PARP1: variants seen among roughly 807,000 people sequenced by gnomAD.
PARP1 encodes the protein poly(ADP-ribose) polymerase 1.
In PARP1, 44 loss-of-function variants were observed where a neutral mutation model predicts 118.7. That is an observed-to-expected ratio of 0.37 (90% CI 0.29 to 0.48). PARP1 has a LOEUF of 0.48. Among genes scored for constraint, PARP1 ranks in the 20% least tolerant of loss-of-function variants. The pLI is 0.99. For synonymous variants in PARP1, 492 were observed against 483.2 expected, an observed-to-expected ratio of 1.02 and a Z score of -0.24; for missense variants, 1,100 against 1,272.4, an observed-to-expected ratio of 0.86 and a Z score of 2.06.
Position 226,388,678 on chromosome 1 carries a change from C to A in PARP1, c.695G>T (p.Ser232Ile), listed in dbSNP as rs759646966. 1.2e-6 allele frequency: 2 copies of A among 1,613,296 alleles called. No homozygotes were observed. Among genetic ancestry groups the A allele is most frequent in the Non-Finnish European group, 1.7e-6 (2 of 1,179,202 alleles). ...CACCTTTAGGGCTTTTTCAAGCTTA[C>A]TATCCTTGTCTTTTTCTTTTTTAGA... ...KKSKKEKDKDSKLEKALKAQN... is the reference protein window; with the variant it reads ...KKSKKEKDKDIKLEKALKAQN... Residue 232 changes from serine (S) to isoleucine (I), a missense_variant, in exon 5 of 23, where the codon AGT (serine) becomes ATT (isoleucine). Physicochemically the swap from Ser to Ile is moderately radical, Grantham distance 142. This residue lies in a region of PARP1 where 948 missense variants were observed against 1,031.8 expected (regional missense o/e 0.92). Coordinates refer to ENST00000366794, the MANE Select transcript of PARP1 (RefSeq NM_001618.4).
intron 5 of PARP1, 147 bp from the exon 6 acceptor site, chr1:226,386,589 TTTG>T: frequency 1.3e-6 from 1 of 743,802 alleles, no homozygotes; most frequent in Admixed American, 1.8e-5. Flanking sequence ...TAGCACAGGA[TTTG>T]ACTCCCAGTC....
chr1:226,370,992 A>T (rs939420334), intron 14 of PARP1: 2 of 204,058 alleles, frequency 9.8e-6, no homozygotes, highest in Non-Finnish European at 2.0e-5. Flanking sequence ...TAAAAAGGAC[A>T]CACTCCTGAA....
In PARP1 at chr1:226,365,935, G is replaced by C. The variant is rs1204156279; in HGVS notation, c.2505+19C>G. On this transcript the variant is annotated intron_variant, in intron 18 of 22. Coordinates refer to ENST00000366794, the MANE Select transcript of PARP1 (RefSeq NM_001618.4). ...GCTGGCAGGACACAGAAGGAAGTGGGGGAAGAAGGGATTCTTACATCGATG... is the reference window on the plus strand; with the variant it reads ...GCTGGCAGGACACAGAAGGAAGTGGCGGAAGAAGGGATTCTTACATCGATG... 6.6e-7 allele frequency: 1 copy of C among 1,522,508 alleles called. No individual in the cohort carries two copies. Among genetic ancestry groups the C allele is most frequent in the African/African-American group, 1.4e-5 (1 of 73,136 alleles). 94.3% of individuals were successfully genotyped at this position (1,522,508 alleles called of 1,614,324 possible).
At chr1:226,391,307 C>CT in intron 3 of PARP1, among the ~76,000 whole-genome samples, 1 of 152,206 alleles carries the variant, frequency 6.6e-6, no homozygotes, top group Non-Finnish European at 1.5e-5. Context: ...CCTCCTTAGT[C>CT]TCTTTACAGA....
Position 226,368,532 on chromosome 1 carries a change from G to A in PARP1, c.2155-211C>T, listed in dbSNP as rs997322855. On this transcript the variant is annotated intron_variant, in intron 15 of 22. Coordinates refer to ENST00000366794, the MANE Select transcript of PARP1 (RefSeq NM_001618.4). The stretch of plus-strand genomic sequence containing the variant: ...ATCCTCTAAAAGCACTGCTCAACAC[G>A]TGATGGGCTTCTCCCATGAAGTTTC... 9.8e-5 allele frequency among the ~76,000 whole-genome samples: 15 copies of A among 152,310 alleles called. 1 individual carries two copies. The highest frequency in any genetic ancestry group is 3.1e-4 in the African/African-American group (13 of 41,572).
At position 226,401,271 on chromosome 1, in the gene PARP1, G is replaced by A. The variant is rs567665553; in HGVS notation, c.286+943C>T. Among the ~76,000 whole-genome samples, 22 of 152,318 alleles carry A rather than the reference G, an allele frequency of 1.4e-4. No individual in the cohort carries two copies. In the East Asian group the frequency reaches 4.1e-3, roughly 28 times the overall value. ...TTCGCTCTGGAAAGCATTTAAGAGC[G>A]AGCTCGTGGTAGAAGAAAGCAGCTT... On this transcript the variant is annotated intron_variant, in intron 2 of 22. Coordinates refer to ENST00000366794, the MANE Select transcript of PARP1 (RefSeq NM_001618.4).
chr1:226,367,385 A>T, intron 17 of PARP1, 95 bp downstream of exon 17: 2 of 1,476,530 alleles, frequency 1.4e-6, no homozygotes, highest in Admixed American at 3.3e-5. Flanking sequence ...GTGTTTTAAC[A>T]AGCTTTCCAG....
intron 20 of PARP1, among the ~76,000 whole-genome samples, chr1:226,363,380 T>C (rs1664191467): frequency 6.6e-6 from 1 of 152,160 alleles, no homozygotes; most frequent in Non-Finnish European, 1.5e-5. Flanking sequence ...ATCACTGCTA[T>C]GGGGCCATTT....
At chr1:226,369,165 T>TCAGTCAGTA (rs1664328594) in intron 15 of PARP1, among the ~76,000 whole-genome samples, 1 of 152,250 alleles carries the variant, frequency 6.6e-6, no homozygotes, top group South Asian at 2.1e-4. Context: ...TTGTAAGTTC[T>TCAGTCAGTA]CAGTCAGTAA....
At chr1:226,364,199 G>T (rs1344027595) in intron 19 of PARP1, 129 bp from the exon 20 acceptor site, 2 of 892,756 alleles carry the variant, frequency 2.2e-6, no homozygotes, top group African/African-American at 1.6e-5. Context: ...TTCTCACAAT[G>T]CCCATGGTGA....
intron 2 of PARP1, chr1:226,392,562 A>G (rs1051091190): frequency 1.8e-6 from 1 of 561,736 alleles, no homozygotes; most frequent in Non-Finnish European, 3.2e-6. Context: ...GGGGGTGGTC[A>G]GCTGTCTGAC....
intron 19 of PARP1, chr1:226,364,353 C>T (rs1664208175): frequency 2.5e-6 from 1 of 404,634 alleles, no homozygotes; most frequent in Non-Finnish European, 4.7e-6. Flanking sequence ...ATGGAGCTGC[C>T]ATGAGGACGG....
At chr1:226,374,119 G>C in intron 14 of PARP1, 107 bp downstream of exon 14, 1 of 1,296,236 alleles carries the variant, frequency 7.7e-7, no homozygotes. Flanking sequence ...GACAGCCAAT[G>C]TATTGTTTTT....
At chr1:226,364,679 A>G (rs1664216784) in intron 19 of PARP1, among the ~76,000 whole-genome samples, 1 of 152,088 alleles carries the variant, frequency 6.6e-6, no homozygotes, top group South Asian at 2.1e-4. Flanking sequence ...AGACACTGAC[A>G]CTCAGAGGTG....
intron 2 of PARP1, among the ~76,000 whole-genome samples, chr1:226,395,899 C>A (rs1420470864): frequency 6.6e-6 from 1 of 152,112 alleles, no homozygotes; most frequent in Non-Finnish European, 1.5e-5. Flanking sequence ...ACAGAAGCAA[C>A]AGCGGTCATG....
chr1:226,402,323 C>T lies in PARP1; in HGVS notation c.177G>A (p.Lys59=), dbSNP rs1451063323. ...CAGGGTGCCGGATGGAGTGGCCCACCTTCCAGAAGCAGGAGAAGTGGTACC... is the reference window on the plus strand; with the variant it reads ...CAGGGTGCCGGATGGAGTGGCCCACTTTCCAGAAGCAGGAGAAGTGGTACC... ...PHWYHFSCFW[K]VGHSIRHPDV... is the part of the protein sequence containing the mutation. The change falls in exon 2 of 23, where the codon AAG becomes AAA. Residue 59 remains lysine (K), a synonymous_variant. Coordinates refer to ENST00000366794, the MANE Select transcript of PARP1 (RefSeq NM_001618.4). The T allele has an allele frequency of 6.2e-7, 1 of 1,614,036 alleles. No homozygotes were observed.
chr1:226,379,832 G>A, intron 10 of PARP1, 90 bp downstream of exon 10: 10 of 1,592,852 alleles, frequency 6.3e-6, no homozygotes, highest in Middle Eastern at 2.3e-4. Context: ...GGCCATGTCA[G>A]GGACACAAAG....
At chr1:226,379,471 A>G in intron 11 of PARP1, 102 bp downstream of exon 11, 1 of 1,146,158 alleles carries the variant, frequency 8.7e-7, no homozygotes, top group East Asian at 2.4e-5. Flanking sequence ...AGGCACGACC[A>G]CACTGCCCCA....
Position 226,380,681 on chromosome 1 carries a change from A to G in PARP1, c.1300+387T>C, listed in dbSNP as rs3219078. 2.4e-3 allele frequency among the ~76,000 whole-genome samples: 361 copies of G among 152,312 alleles called. 1 individual carries two copies. The highest frequency in any genetic ancestry group is 8.3e-3 in the African/African-American group (346 of 41,560). ...TGAGACCAGAAACCTTTCAGACCTT[A>G]AAATACTTGCTTCATATTTACTGAC... is the stretch of plus-strand genomic sequence containing the variant. On this transcript the variant is annotated intron_variant, in intron 9 of 22. Transcript: ENST00000366794.
Sources: allele counts gnomAD v4.1 joint callset (sites outside exome capture counted in the v4.1 genomes callset), GRCh38; gene constraint gnomAD v4.1.1; regional missense constraint gnomAD v4.1.1; transcripts MANE v1.5; gene names NCBI Gene and HGNC (gene_info 2026-07-23, HGNC 2026-07-21).